Variants in GABRR3 observed in about 807,000 individuals in gnomAD.
GABRR3 encodes gamma-aminobutyric acid receptor subunit rho-3.
GABRR3 carries 29 observed loss-of-function variants against 43.2 expected under a neutral mutation model. The ratio of observed to expected loss-of-function variants is 0.67; its 90% CI spans 0.50 to 0.92. The LOEUF (loss-of-function observed/expected upper bound fraction) is 0.92. Among genes scored for constraint, GABRR3 ranks in the 40% least tolerant of loss-of-function variants. The pLI, the probability that GABRR3 is intolerant of heterozygous loss-of-function variation, is 0.00. For synonymous variants in GABRR3, 206 were observed against 195.9 expected, an observed-to-expected ratio of 1.05 and a Z score of -0.43; for missense variants, 576 against 572.3, an observed-to-expected ratio of 1.01 and a Z score of -0.07.
Position 98,012,334 on chromosome 3 carries a change from C to G in GABRR3, c.530+10G>C, listed in dbSNP as rs1378525982. 6.2e-7 allele frequency: 1 copy of G among 1,609,496 alleles called. No homozygotes were observed. The highest frequency in any genetic ancestry group is 8.5e-7 in the Non-Finnish European group (1 of 1,176,492). On this transcript the variant is annotated intron_variant, in intron 5 of 9. Transcript: ENST00000621172. Reference sequence around the variant, plus strand: ...CAGGGAAGCCAAAGGCGATAGGCAGCTTTCCTTACCTGAGACTTAGGAGGA... The same window carrying G: ...CAGGGAAGCCAAAGGCGATAGGCAGGTTTCCTTACCTGAGACTTAGGAGGA...
At chr3:98,027,953 A>C (rs1576051617) in intron 2 of GABRR3, among the ~76,000 whole-genome samples, 1 of 152,090 alleles carries the variant, frequency 6.6e-6, no homozygotes, top group African/African-American at 2.4e-5. Flanking sequence ...TTTTTAAAAA[A>C]AACTACTATC....
chr3:98,024,172 A>G (rs1706983149), intron 3 of GABRR3, among the ~76,000 whole-genome samples: 2 of 152,176 alleles, frequency 1.3e-5, no homozygotes, highest in Admixed American at 6.5e-5. Context: ...AACCTGACCA[A>G]CAGGGTGAAA....
intron 3 of GABRR3, among the ~76,000 whole-genome samples, chr3:98,024,002 C>T (rs1706981597): frequency 6.6e-6 from 1 of 152,166 alleles, no homozygotes; most frequent in Admixed American, 6.5e-5. Context: ...GCCTTCAGAA[C>T]CCCCAGGTGA....
chr3:98,009,905 T>C (rs1706766586), intron 5 of GABRR3, among the ~76,000 whole-genome samples: 1 of 152,194 alleles, frequency 6.6e-6, no homozygotes, highest in Admixed American at 6.5e-5. Context: ...ACTTTAAACC[T>C]AGAAAGGACC....
At chr3:98,022,553 C>CA (rs1308680791) in intron 3 of GABRR3, among the ~76,000 whole-genome samples, 1 of 152,192 alleles carries the variant, frequency 6.6e-6, no homozygotes, top group East Asian at 1.9e-4. Flanking sequence ...CCAAGGAAGG[C>CA]AGCCATGAGA....
At chr3:98,029,055 G>A (rs755191913) in intron 2 of GABRR3, among the ~76,000 whole-genome samples, 5 of 151,958 alleles carry the variant, frequency 3.3e-5, no homozygotes, top group East Asian at 1.9e-4. Context: ...CAGTTTAGCC[G>A]CTACTGAGAA....
intron 5 of GABRR3, among the ~76,000 whole-genome samples, chr3:98,012,036 T>C (rs569893318): frequency 6.6e-6 from 1 of 152,164 alleles, no homozygotes; most frequent in Non-Finnish European, 1.5e-5. Context: ...GGGGTGGAGT[T>C]GGTGAGGAGG....
chr3:98,024,316 G>A (rs1217249305), intron 3 of GABRR3, among the ~76,000 whole-genome samples: 2 of 137,088 alleles, frequency 1.5e-5, no homozygotes, highest in African/African-American at 5.6e-5. Context: ...CCGAGATCGC[G>A]CCACTGCATG....
chr3:98,024,559 C>T (rs1489382543), intron 3 of GABRR3, among the ~76,000 whole-genome samples: 2 of 152,162 alleles, frequency 1.3e-5, no homozygotes, highest in African/African-American at 4.8e-5. Flanking sequence ...GTCATAACCA[C>T]ATCATGAGAA....
intron 3 of GABRR3, among the ~76,000 whole-genome samples, chr3:98,018,022 G>GT (rs1269567210): frequency 1.8e-4 from 22 of 119,972 alleles, no homozygotes; most frequent in Admixed American, 1.5e-3. Context: ...TTTTTTTTTA[G>GT]TTTTTTATTC....
chr3:97,992,404 T>G (rs1002265150), intron 9 of GABRR3, among the ~76,000 whole-genome samples: 1 of 152,170 alleles, frequency 6.6e-6, no homozygotes, highest in Non-Finnish European at 1.5e-5. Flanking sequence ...CTGCATTTAT[T>G]CCACCTCTGT....
At chr3:98,004,787 C>A (rs1287749056) in intron 7 of GABRR3, among the ~76,000 whole-genome samples, 1 of 151,654 alleles carries the variant, frequency 6.6e-6, no homozygotes, top group Non-Finnish European at 1.5e-5. Context: ...TTCTATACAC[C>A]TGGGAGTGGT....
At chr3:97,995,401 A>T (rs1006050397) in intron 8 of GABRR3, among the ~76,000 whole-genome samples, 1 of 152,172 alleles carries the variant, frequency 6.6e-6, no homozygotes, top group African/African-American at 2.4e-5. Flanking sequence ...AAACACACAA[A>T]TGTATATGCC....
chr3:98,008,865 A>T, intron 6 of GABRR3, 91 bp downstream of exon 6: 1 of 567,910 alleles, frequency 1.8e-6, no homozygotes. Context: ...AGTATTTTAA[A>T]ATGTTTGTTA....
chr3:97,987,452 C>A (rs918854270), intron 9 of GABRR3, among the ~76,000 whole-genome samples: 2 of 152,206 alleles, frequency 1.3e-5, no homozygotes, highest in Non-Finnish European at 1.5e-5. Flanking sequence ...TAGTGGTTCT[C>A]ACTAGTTTAG....
At position 98,007,759 on chromosome 3, in the gene GABRR3, T is replaced by G. The variant is rs774117924; in HGVS notation, c.754+5A>C. Reference sequence around the variant, plus strand: ...CTGATGAATCACCCATGTAAAATGCTGTACCTGTGCTGCTATAGAAAGCTA... The same window carrying G: ...CTGATGAATCACCCATGTAAAATGCGGTACCTGTGCTGCTATAGAAAGCTA... On this transcript the variant is annotated splice_donor_5th_base_variant and intron_variant, in intron 7 of 9. Transcript: ENST00000621172. 3.1e-5 allele frequency: 50 copies of G among 1,613,454 alleles called. No individual in the cohort carries two copies. In the South Asian group the frequency reaches 5.1e-4, roughly 16 times the overall value.
At chr3:98,004,531 G>C (rs896250567) in intron 7 of GABRR3, among the ~76,000 whole-genome samples, 2 of 151,996 alleles carry the variant, frequency 1.3e-5, no homozygotes, top group African/African-American at 2.4e-5. Context: ...AGGGGCAGGA[G>C]TCATTTCTTT....
chr3:98,032,481 A>G (rs145632675), intron 2 of GABRR3, among the ~76,000 whole-genome samples: 3 of 152,280 alleles, frequency 2.0e-5, no homozygotes, highest in Admixed American at 2.0e-4. Flanking sequence ...GTAATTGTTG[A>G]AAGAATGAAT....
exon 7 of GABRR3, chr3:98,007,779 A>C: frequency 3.7e-6 from 6 of 1,613,620 alleles, no homozygotes; most frequent in South Asian, 1.1e-5. Context: ...CTGCTATAGA[A>C]AGCTAATCCA....
Sources: gnomAD v4.1 joint callset for allele counts (sites outside exome capture counted in the v4.1 genomes callset) on GRCh38, gnomAD v4.1.1 for gene constraint, MANE v1.5 for transcripts, NCBI Gene and HGNC (gene_info 2026-07-23, HGNC 2026-07-21) for gene names.